Variants in WRN observed in about 807,000 individuals in gnomAD.
WRN encodes the protein bifunctional 3'-5' exonuclease/ATP-dependent helicase WRN.
In WRN, 149 loss-of-function variants were observed where a neutral mutation model predicts 180.7. The observed-to-expected ratio is 0.82, with a 90% confidence interval of 0.72 to 0.94. The LOEUF (loss-of-function observed/expected upper bound fraction) is 0.94, where lower values mean the gene tolerates loss of function less well. Ranked by LOEUF, WRN falls within the 40% of genes least tolerant of loss-of-function variation. WRN has a pLI of 0.00. For synonymous variants in WRN, 548 were observed against 568.9 expected, an observed-to-expected ratio of 0.96 and a Z score of 0.52; for missense variants, 1,661 against 1,700.1, an observed-to-expected ratio of 0.98 and a Z score of 0.40.
intron 7 of WRN, among the ~76,000 whole-genome samples, chr8:31,073,752 G>T (rs1812996818): frequency 6.6e-6 from 1 of 152,126 alleles, no homozygotes; most frequent in South Asian, 2.1e-4. Context: ...GGCCACTAAT[G>T]AAGGAGGGAA....
At chr8:31,152,484 G>A (rs534902410) in intron 31 of WRN, among the ~76,000 whole-genome samples, 78 of 151,972 alleles carry the variant, frequency 5.1e-4, no homozygotes, top group Middle Eastern at 3.4e-3. Flanking sequence ...TGATGAAACC[G>A]GGTGGTGCCC....
intron 1 of WRN, among the ~76,000 whole-genome samples, chr8:31,053,097 C>T (rs1030526259): frequency 7.2e-5 from 11 of 152,266 alleles, no homozygotes; most frequent in Admixed American, 3.3e-4. Context: ...ACATTTGTAA[C>T]GATCCTCAGT....
intron 13 of WRN, among the ~76,000 whole-genome samples, chr8:31,090,132 TC>T (rs1813689269): frequency 6.6e-6 from 1 of 151,312 alleles, no homozygotes; most frequent in Admixed American, 6.6e-5. Flanking sequence ...TTCCCTTATT[TC>T]CCTTTTCAGT....
intron 34 of WRN, among the ~76,000 whole-genome samples, chr8:31,169,752 G>A (rs1465408576): frequency 6.6e-6 from 1 of 152,062 alleles, no homozygotes; most frequent in Non-Finnish European, 1.5e-5. Flanking sequence ...ATTTTTATCT[G>A]GGCTTTCTCT....
intron 14 of WRN, 101 bp from the exon 15 acceptor site, chr8:31,090,729 CCATT>C: frequency 9.2e-7 from 1 of 1,086,126 alleles, no homozygotes; most frequent in South Asian, 1.5e-5. Context: ...CTAGTATTGA[CCATT>C]CATCTGTATA....
intron 34 of WRN, chr8:31,171,027 G>A (rs770732492): frequency 2.6e-5 from 4 of 152,146 alleles, no homozygotes; most frequent in Non-Finnish European, 5.9e-5. Context: ...TAACTCCAAA[G>A]AATTCAGTGA....
At chr8:31,150,599 C>A in intron 31 of WRN, 144 bp downstream of exon 31, 1 of 725,670 alleles carries the variant, frequency 1.4e-6, no homozygotes, top group South Asian at 1.7e-5. Context: ...ATTGTTTTTA[C>A]AGTCAATCTG....
rs528079450 is a variant in WRN, at chr8:31,056,017, C to A, written c.-76-2355C>A. ...TTTGTAAACAAATTTACGTTCAAAT[C>A]TTTGCCTGGAAGTATCTAGATAGAA... is the stretch of plus-strand genomic sequence containing the variant. On this transcript the variant is annotated intron_variant, in intron 1 of 34. Coordinates refer to ENST00000298139, the MANE Select transcript of WRN (RefSeq NM_000553.6). Among the ~76,000 whole-genome samples, 5 of 152,244 alleles carry A rather than the reference C, an allele frequency of 3.3e-5. No homozygotes were observed. In the East Asian group the frequency reaches 5.8e-4, roughly 18 times the overall value.
intron 23 of WRN, among the ~76,000 whole-genome samples, chr8:31,129,822 T>G (rs1802075224): frequency 6.6e-6 from 1 of 151,774 alleles, no homozygotes; most frequent in Non-Finnish European, 1.5e-5. Flanking sequence ...CTGGCCAACA[T>G]GGTGAAACCC....
chr8:31,106,376 C>T (rs1296011162), intron 18 of WRN, among the ~76,000 whole-genome samples: 3 of 152,000 alleles, frequency 2.0e-5, no homozygotes, highest in African/African-American at 7.3e-5. Flanking sequence ...AGTAGCATGC[C>T]ATTTCATTCT....
intron 24 of WRN, among the ~76,000 whole-genome samples, chr8:31,139,862 G>T (rs1315050647): frequency 6.6e-6 from 1 of 152,104 alleles, no homozygotes; most frequent in Non-Finnish European, 1.5e-5. Context: ...ACTAGTATTT[G>T]TATTGTCCCA....
intron 23 of WRN, among the ~76,000 whole-genome samples, chr8:31,125,537 G>GAGATATATATAT (rs1365119717): frequency 6.3e-5 from 4 of 63,766 alleles, no homozygotes; most frequent in Admixed American, 2.2e-4. Flanking sequence ...ATATTATGGA[G>GAGATATATATAT]ATATATATAT....
chr8:31,109,941 A>T (rs575375238), intron 18 of WRN, among the ~76,000 whole-genome samples: 28 of 152,168 alleles, frequency 1.8e-4, no homozygotes, highest in Non-Finnish European at 2.4e-4. Flanking sequence ...CCTCATTTTC[A>T]TAAATATATT....
intron 20 of WRN, among the ~76,000 whole-genome samples, chr8:31,119,383 T>C (rs1801634665): frequency 6.6e-6 from 1 of 151,990 alleles, no homozygotes; most frequent in African/African-American, 2.4e-5. Context: ...TGCCATAGTT[T>C]ATGTACCTGG....
intron 30 of WRN, among the ~76,000 whole-genome samples, chr8:31,150,089 A>G (rs574481104): frequency 6.6e-6 from 1 of 152,252 alleles, no homozygotes; most frequent in Non-Finnish European, 1.5e-5. Context: ...CTTTATGACA[A>G]TGTCCTGTTT....
chr8:31,090,349 G>A (rs998189762), intron 13 of WRN, 116 bp from the exon 14 acceptor site: 4 of 992,584 alleles, frequency 4.0e-6, no homozygotes, highest in Admixed American at 1.9e-5. Flanking sequence ...GTGCATTTAT[G>A]TATGAAGTTT....
At chr8:31,103,353 A>G (rs545855979) in intron 18 of WRN, among the ~76,000 whole-genome samples, 1 of 152,360 alleles carries the variant, frequency 6.6e-6, no homozygotes, top group African/African-American at 2.4e-5. Flanking sequence ...ATATAATTGT[A>G]TGTGCTATAC....
At chr8:31,108,763 A>G (rs554155243) in intron 18 of WRN, among the ~76,000 whole-genome samples, 1 of 152,244 alleles carries the variant, frequency 6.6e-6, no homozygotes, top group Non-Finnish European at 1.5e-5. Flanking sequence ...GTAACTGTTC[A>G]TGAAAATAGT....
At chr8:31,064,543 AATTT>A in intron 4 of WRN, 109 bp downstream of exon 4, 1 of 1,454,456 alleles carries the variant, frequency 6.9e-7, no homozygotes, top group Non-Finnish European at 9.6e-7. Flanking sequence ...CATTATCTCA[AATTT>A]ATTTAAGTAT....
Sources: allele counts gnomAD v4.1 joint callset (sites outside exome capture counted in the v4.1 genomes callset), GRCh38; gene constraint gnomAD v4.1.1; transcripts MANE v1.5; gene names NCBI Gene and HGNC (gene_info 2026-07-23, HGNC 2026-07-21).